Variants in KDM5A observed in about 807,000 individuals in gnomAD.
KDM5A encodes the protein lysine demethylase 5A.
In KDM5A, 42 loss-of-function variants were observed where a neutral mutation model predicts 193.5. The ratio of observed to expected loss-of-function variants is 0.22; its 90% CI spans 0.17 to 0.28. KDM5A has a LOEUF of 0.28. Among genes scored for constraint, KDM5A ranks in the 10% least tolerant of loss-of-function variants. The pLI, the probability that KDM5A is intolerant of heterozygous loss-of-function variation, is 1.00. For missense variants in KDM5A, 1,692 were observed against 2,055.1 expected, an observed-to-expected ratio of 0.82 and a Z score of 3.42; for synonymous variants, 796 against 718.1, an observed-to-expected ratio of 1.11 and a Z score of -1.73.
chr12:386,993 T>G (rs1418027576), intron 1 of KDM5A, among the ~76,000 whole-genome samples: 2 of 152,030 alleles, frequency 1.3e-5, no homozygotes, highest in Non-Finnish European at 2.9e-5. Flanking sequence ...ATTTAAACGA[T>G]TTTTTTTATG....
At position 355,232 on chromosome 12, in the gene KDM5A, G is replaced by A. The variant is rs1471475032; in HGVS notation, c.796C>T (p.Arg266Ter). The change falls in exon 7 of 28, where the codon CGA becomes TGA. Residue 266 changes from arginine to a stop codon, truncating the protein, a stop_gained. Transcript: ENST00000399788. LOFTEE classifies it high-confidence loss of function. ...KDKEDEVTRR[R>*]KVTNRSDAFN... ...GCGTCTGACCTGTTGGTAACTTTTC[G>A]TCTTCGGGTGACCTCATCTTGAAAT... 6.2e-7 allele frequency: 1 copy of A among 1,608,288 alleles called. No homozygotes were observed. Among genetic ancestry groups the A allele is most frequent in the Non-Finnish European group, 8.5e-7 (1 of 1,174,760 alleles).
At chr12:337,321 A>C (rs1212560150) in intron 10 of KDM5A, among the ~76,000 whole-genome samples, 1 of 152,224 alleles carries the variant, frequency 6.6e-6, no homozygotes, top group African/African-American at 2.4e-5. Context: ...GAATGGACTA[A>C]TAAAGATTGT....
At position 307,581 on chromosome 12, in the gene KDM5A, T is replaced by G. The variant is rs1313072111; in HGVS notation, c.3803A>C (p.Glu1268Ala). ...TAGTTTGGCCAGGGCAGAGGATAGT[T>G]CATCTGTGGCTAGAGCCTGCCGCGC... is the stretch of plus-strand genomic sequence containing the variant. ...DRARQALATDELSSALAKLSV... is the reference protein window; with the variant it reads ...DRARQALATDALSSALAKLSV... The change falls in exon 23 of 28, where the codon GAA becomes GCA. Residue 1268 changes from glutamate (E) to alanine (A), a missense_variant. By Grantham distance (107) the Glu-to-Ala change is moderately radical. Around this residue, in one of 11 missense-constraint regions of KDM5A, gnomAD observed 965 missense variants for 1,061.0 expected, o/e 0.91. Coordinates refer to ENST00000399788, the MANE Select transcript of KDM5A (RefSeq NM_001042603.3). The surrounding 1 kb of genome is among the most constrained non-coding windows in gnomAD (Gnocchi z 4.3). The G allele has an allele frequency of 6.2e-7, 1 of 1,614,162 alleles. No individual in the cohort carries two copies.
At chr12:359,952 A>C (rs903270716) in intron 5 of KDM5A, among the ~76,000 whole-genome samples, 1 of 152,084 alleles carries the variant, frequency 6.6e-6, no homozygotes, top group African/African-American at 2.4e-5. Context: ...GTACACATGT[A>C]TACATACACA....
At chr12:374,040 A>G (rs1207106475) in intron 3 of KDM5A, among the ~76,000 whole-genome samples, 1 of 152,218 alleles carries the variant, frequency 6.6e-6, no homozygotes, top group Non-Finnish European at 1.5e-5. Context: ...TGCAGTGCTG[A>G]GAAGAATGCA....
rs1943198222 is a variant in KDM5A at position 284,721 on chromosome 12, C to CA, written c.*734dup. On this transcript the variant is annotated 3_prime_UTR_variant, in exon 28 of 28. Transcript: ENST00000399788. The stretch of plus-strand genomic sequence containing the variant: ...CCAAGACAGCAAGACTTTTCAAAGC[C>CA]AAAAAACGGCTCCTTGCCTTGTAGT... 1 of 227,146 alleles carries CA rather than the reference C, an allele frequency of 4.4e-6. No homozygotes were observed. The highest frequency in any genetic ancestry group is 8.8e-6 in the Non-Finnish European group (1 of 114,148). The allele number at this position is 227,146 out of a possible 1,614,324, so 14.1% of individuals were successfully genotyped here.
chr12:334,512 T>A (rs1045382531), intron 10 of KDM5A, 90 bp from the exon 11 acceptor site: 69 of 901,390 alleles, frequency 7.7e-5, no homozygotes, highest in Non-Finnish European at 1.1e-4. Flanking sequence ...AAAATTTTTT[T>A]ATAATATTTA....
intron 13 of KDM5A, among the ~76,000 whole-genome samples, chr12:329,869 G>GT (rs1455233334): frequency 3.9e-5 from 6 of 152,076 alleles, no homozygotes; most frequent in Admixed American, 2.0e-4. Flanking sequence ...GGATAAAGGA[G>GT]TTTTGTTTGG....
chr12:296,715 A>AG (rs1323596641), intron 25 of KDM5A, among the ~76,000 whole-genome samples: 1 of 152,234 alleles, frequency 6.6e-6, no homozygotes, highest in Non-Finnish European at 1.5e-5. Context: ...AAAAAGCAGC[A>AG]GTTCCACAAC....
At chr12:388,321 A>C in intron 1 of KDM5A, 1 of 455,680 alleles carries the variant, frequency 2.2e-6, no homozygotes. Context: ...TGAGTTCCCT[A>C]CGTCAAGAGA....
At chr12:374,588 T>G (rs563687326) in intron 3 of KDM5A, among the ~76,000 whole-genome samples, 1 of 152,224 alleles carries the variant, frequency 6.6e-6, no homozygotes, top group African/African-American at 2.4e-5. Context: ...AGGTTAATAC[T>G]GTTATGTGTG....
At chr12:298,192 C>T (rs1410713698) in intron 24 of KDM5A, among the ~76,000 whole-genome samples, 1 of 152,234 alleles carries the variant, frequency 6.6e-6, no homozygotes, top group Non-Finnish European at 1.5e-5. Context: ...CATTCGAGCT[C>T]TGATAAGCAA....
At chr12:338,357 C>T (rs745318461) in intron 10 of KDM5A, among the ~76,000 whole-genome samples, 8 of 152,156 alleles carry the variant, frequency 5.3e-5, no homozygotes, top group East Asian at 3.8e-4. Flanking sequence ...TAACAGCCTT[C>T]GGCACTGAGT....
intron 3 of KDM5A, 40 bp from the exon 4 acceptor site, chr12:366,144 A>C: frequency 6.4e-7 from 1 of 1,571,420 alleles, no homozygotes. Context: ...AAAAAGGCAA[A>C]TTCAAGCATC....
At chr12:306,178 G>GC (rs1343626075) in intron 24 of KDM5A, among the ~76,000 whole-genome samples, 1 of 151,812 alleles carries the variant, frequency 6.6e-6, no homozygotes, top group African/African-American at 2.4e-5. Flanking sequence ...TCAATATGTT[G>GC]CACAGGCTGG....
chr12:319,964 C>T (rs960757527), intron 18 of KDM5A, among the ~76,000 whole-genome samples: 1 of 151,826 alleles, frequency 6.6e-6, no homozygotes, highest in African/African-American at 2.4e-5. Flanking sequence ...AAGAAAGGGC[C>T]GAGACTCCTA....
chr12:317,337 G>T (rs775262214), intron 19 of KDM5A, among the ~76,000 whole-genome samples: 15 of 152,086 alleles, frequency 9.9e-5, no homozygotes, highest in Non-Finnish European at 2.1e-4. Flanking sequence ...CTCTACCTAA[G>T]TTCTTATTTT....
At chr12:352,157 GTAAA>G in intron 9 of KDM5A, 44 bp downstream of exon 9, 1 of 1,117,030 alleles carries the variant, frequency 9.0e-7, no homozygotes, top group Non-Finnish European at 1.3e-6. Context: ...TTGTACTCAG[GTAAA>G]TCTTTGTACC....
intron 19 of KDM5A, among the ~76,000 whole-genome samples, chr12:313,445 CAAAG>C (rs974238651): frequency 2.0e-5 from 3 of 151,890 alleles, no homozygotes; most frequent in African/African-American, 4.8e-5. Flanking sequence ...AACTTTAACT[CAAAG>C]AAAAGTTATT....
Sources: allele counts gnomAD v4.1 joint callset (sites outside exome capture counted in the v4.1 genomes callset), GRCh38; gene constraint gnomAD v4.1.1; regional missense constraint gnomAD v4.1.1; non-coding constraint Gnocchi (gnomAD v3.1); transcripts MANE v1.5; gene names NCBI Gene and HGNC (gene_info 2026-07-23, HGNC 2026-07-21).